Variants in RAB38 observed in about 807,000 individuals in gnomAD.
The protein encoded by RAB38 is ras-related protein Rab-38.
A neutral mutation model predicts 18.4 loss-of-function variants in RAB38; 15 were observed. The ratio of observed to expected loss-of-function variants is 0.82; its 90% CI spans 0.55 to 1.26. The LOEUF (loss-of-function observed/expected upper bound fraction) is 1.26, where lower values mean the gene tolerates loss of function less well. Among genes scored for constraint, RAB38 ranks in the 50% most tolerant of loss-of-function variants. RAB38 has a pLI of 0.00. For synonymous variants in RAB38, 101 were observed against 104.4 expected (o/e 0.97, Z 0.20); for missense variants, 294 against 267.4 (o/e 1.10, Z -0.69).
the RAB38 span, among the ~76,000 whole-genome samples, chr11:88,027,162 T>G: frequency 6.6e-6 from 1 of 151,628 alleles, no homozygotes; most frequent in Non-Finnish European, 1.5e-5. Context: ...GTTTTCTGAG[T>G]TTTTTTTAAA....
chr11:88,067,686 A>G, the RAB38 span, among the ~76,000 whole-genome samples: 2 of 152,108 alleles, frequency 1.3e-5, no homozygotes, highest in Admixed American at 1.3e-4. Context: ...TCAAATGGCA[A>G]TACTTCCCAC....
chr11:88,148,896 G>C (rs1207904062), intron 2 of RAB38, among the ~76,000 whole-genome samples: 2 of 151,804 alleles, frequency 1.3e-5, no homozygotes, highest in Non-Finnish European at 2.9e-5. Context: ...GTTTTTTATG[G>C]ATTTTCAAAT....
the RAB38 span, among the ~76,000 whole-genome samples, chr11:87,957,406 A>AT: frequency 6.6e-6 from 1 of 150,606 alleles, no homozygotes; most frequent in Non-Finnish European, 1.5e-5. Flanking sequence ...AGAAAAAAAA[A>AT]CCCATAAGTT....
At chr11:87,878,268 A>G in the RAB38 span, among the ~76,000 whole-genome samples, 1,482 of 120,506 alleles carry the variant, frequency 0.012, 101 homozygotes, top group African/African-American at 0.046. Flanking sequence ...CTATCTATCT[A>G]TCTATCTATC....
At chr11:87,956,955 T>C in the RAB38 span, among the ~76,000 whole-genome samples, 1 of 142,528 alleles carries the variant, frequency 7.0e-6, no homozygotes, top group Non-Finnish European at 1.5e-5. Context: ...CATTCCTCAT[T>C]GAACCTAAGT....
the RAB38 span, among the ~76,000 whole-genome samples, chr11:87,869,307 C>T: frequency 7.3e-6 from 1 of 137,322 alleles, no homozygotes; most frequent in Non-Finnish European, 1.5e-5. Context: ...TCCTAACACT[C>T]ATGTGGTGAG....
At position 88,150,027 on chromosome 11, in the gene RAB38, G is replaced by A. The variant is rs1484899505; in HGVS notation, c.203-72C>T. The stretch of plus-strand genomic sequence containing the variant: ...CTGAATCATATTATAACTTCATGAA[G>A]CCTCCAAGATGAGCAAGTCAATCAG... On this transcript the variant is annotated intron_variant, in intron 1 of 2. Transcript: ENST00000243662. 9.5e-6 allele frequency: 14 copies of A among 1,470,556 alleles called. No individual in the cohort carries two copies. The South Asian group carries it at 1.1e-4, about 11-fold the overall frequency. The allele number at this position is 1,470,556 out of a possible 1,614,324, so 91.1% of individuals were successfully genotyped here. A position where few individuals can be genotyped will look rare whatever the true frequency, so the allele number is the denominator to read the frequency against.
the RAB38 span, among the ~76,000 whole-genome samples, chr11:88,014,754 G>C: frequency 6.6e-6 from 1 of 152,224 alleles, no homozygotes; most frequent in Non-Finnish European, 1.5e-5. Context: ...TTAAGAATGG[G>C]TGGGGACAAA....
At chr11:87,929,553 CT>C in the RAB38 span, among the ~76,000 whole-genome samples, 4 of 139,338 alleles carry the variant, frequency 2.9e-5, no homozygotes, top group Admixed American at 7.5e-5. Context: ...AATTTTGATT[CT>C]TTTTTTTGGT....
At chr11:87,824,236 C>T in the RAB38 span, among the ~76,000 whole-genome samples, 26 of 152,110 alleles carry the variant, frequency 1.7e-4, no homozygotes, top group African/African-American at 6.3e-4. Flanking sequence ...CAACTGCCTT[C>T]CCTCTGAACA....
At chr11:87,947,173 G>T in the RAB38 span, among the ~76,000 whole-genome samples, 69 of 152,070 alleles carry the variant, frequency 4.5e-4, no homozygotes, top group African/African-American at 1.6e-3. Context: ...GTGTTTTTTG[G>T]CTGCATAAAT....
the RAB38 span, among the ~76,000 whole-genome samples, chr11:88,106,332 T>C: frequency 6.6e-6 from 1 of 152,170 alleles, no homozygotes; most frequent in African/African-American, 2.4e-5. Context: ...TGAATACAAA[T>C]TTATGTTACA....
intron 1 of RAB38, among the ~76,000 whole-genome samples, chr11:88,172,358 C>T (rs1270524349): frequency 6.6e-6 from 1 of 152,164 alleles, no homozygotes; most frequent in Non-Finnish European, 1.5e-5. Context: ...CTTTCAAGAT[C>T]AGACTGGCCA....
chr11:87,901,924 C>CTTTTTTTTTTTTTTT, the RAB38 span, among the ~76,000 whole-genome samples: 1 of 143,510 alleles, frequency 7.0e-6, no homozygotes, highest in Non-Finnish European at 1.5e-5. Flanking sequence ...GTTTGGCTGA[C>CTTTTTTTTTTTTTTT]TTTTTTTTTT....
chr11:88,116,947 AAAAG>A (rs1415305143), intron 2 of RAB38, among the ~76,000 whole-genome samples: 6 of 152,320 alleles, frequency 3.9e-5, no homozygotes, highest in Non-Finnish European at 8.8e-5. Context: ...CATTATGAGA[AAAAG>A]AACTGAAACC....
chr11:87,964,928 AAT>A, the RAB38 span, among the ~76,000 whole-genome samples: 2 of 152,208 alleles, frequency 1.3e-5, no homozygotes, highest in Non-Finnish European at 2.9e-5. Flanking sequence ...CTTGCATCCC[AAT>A]ATGTTTCCTT....
At chr11:87,946,067 C>T in the RAB38 span, among the ~76,000 whole-genome samples, 1 of 152,106 alleles carries the variant, frequency 6.6e-6, no homozygotes, top group Non-Finnish European at 1.5e-5. Context: ...GAATTTAAAC[C>T]TTGATTTCTC....
chr11:87,868,204 A>G, the RAB38 span, among the ~76,000 whole-genome samples: 30 of 151,566 alleles, frequency 2.0e-4, no homozygotes, highest in Non-Finnish European at 3.7e-4. Flanking sequence ...ACTTGATTCC[A>G]TCTTTGAGGT....
At position 88,121,046 on chromosome 11, in the gene RAB38, C is replaced by T. The variant is rs192720158; in HGVS notation, c.484-6906G>A. Among the ~76,000 whole-genome samples the T allele has an allele frequency of 1.6e-4, 24 of 152,270 alleles. No individual in the cohort carries two copies. In the East Asian group the frequency reaches 3.5e-3, roughly 22 times the overall value. On this transcript the variant is annotated intron_variant, in intron 2 of 2. Transcript: ENST00000243662. ...AGGGAATATGCTATTATAGAATGCG[C>T]CTCACCTCTTAGCTCTGGCTACCTG... is the stretch of plus-strand genomic sequence containing the variant.
Sources: allele counts gnomAD v4.1 joint callset (sites outside exome capture counted in the v4.1 genomes callset), GRCh38; gene constraint gnomAD v4.1.1; transcripts MANE v1.5; gene names NCBI Gene and HGNC (gene_info 2026-07-23, HGNC 2026-07-21).